Variants in SEC24A observed in about 807,000 individuals in gnomAD.
SEC24A encodes protein transport protein Sec24A.
Under a neutral mutation model 129.4 loss-of-function variants are expected in SEC24A, and 93 were observed. The observed-to-expected ratio is 0.72, with a 90% CI of 0.61 to 0.85. The LOEUF is 0.85. Ranked by LOEUF, SEC24A falls within the 40% of genes least tolerant of loss-of-function variation. SEC24A has a pLI of 0.00. For synonymous variants in SEC24A, 460 were observed against 467.3 expected, an observed-to-expected ratio of 0.98 and a Z score of 0.20; for missense variants, 1,264 against 1,307.4, an observed-to-expected ratio of 0.97 and a Z score of 0.51.
At chr5:134,687,132 T>G (rs1195531104) in intron 10 of SEC24A, among the ~76,000 whole-genome samples, 1 of 152,182 alleles carries the variant, frequency 6.6e-6, no homozygotes, top group Non-Finnish European at 1.5e-5. Context: ...TTCATCATCT[T>G]CAGCATTTTG....
At chr5:134,684,603 C>T (rs1466697476) in intron 9 of SEC24A, among the ~76,000 whole-genome samples, 2 of 151,944 alleles carry the variant, frequency 1.3e-5, no homozygotes, top group Non-Finnish European at 1.5e-5. Context: ...ATCCCAGCTA[C>T]TTGGGAGACT....
chr5:134,689,733 C>T (rs924027668), intron 11 of SEC24A, among the ~76,000 whole-genome samples: 19 of 150,190 alleles, frequency 1.3e-4, no homozygotes, highest in Non-Finnish European at 2.8e-4. Context: ...CACCGCACTC[C>T]AGCCTGGACG....
intron 8 of SEC24A, among the ~76,000 whole-genome samples, chr5:134,681,394 C>T (rs982371668): frequency 1.3e-5 from 2 of 151,754 alleles, no homozygotes; most frequent in Non-Finnish European, 2.9e-5. Context: ...GAGCAAAACT[C>T]CATCTCAAAC....
At chr5:134,693,626 A>G (rs866705894) in intron 12 of SEC24A, 101 bp from the exon 13 acceptor site, 1 of 1,477,736 alleles carries the variant, frequency 6.8e-7, no homozygotes, top group African/African-American at 1.4e-5. Flanking sequence ...TTCTCTGACC[A>G]TCATCATGAC....
At chr5:134,695,610 C>T (rs1202938631) in intron 13 of SEC24A, among the ~76,000 whole-genome samples, 2 of 151,996 alleles carry the variant, frequency 1.3e-5, no homozygotes, top group African/African-American at 4.8e-5. Context: ...CATGGTGAAA[C>T]CCTGTCTCTA....
chr5:134,718,301 TACACTGATTAA>T, intron 20 of SEC24A, 128 bp downstream of exon 20: 4 of 605,604 alleles, frequency 6.6e-6, no homozygotes, highest in Non-Finnish European at 8.9e-6. Context: ...TATACAGTCG[TACACTGATTAA>T]TGATGTGTAA....
Position 134,703,740 on chromosome 5 carries a change from T to C in SEC24A, c.2267-19T>C, listed in dbSNP as rs1457872909. The stretch of plus-strand genomic sequence containing the variant: ...ATGTAGGTATATAAAAATAATTTTG[T>C]TACCTTTTTCTCTTCTAGGTCTTTC... On this transcript the variant is annotated intron_variant, in intron 15 of 22. Coordinates refer to ENST00000398844, the MANE Select transcript of SEC24A (RefSeq NM_021982.3). The C allele has an allele frequency of 1.9e-6, 3 of 1,560,316 alleles. No individual in the cohort carries two copies. In the African/African-American group the frequency reaches 4.1e-5, roughly 21 times the overall value.
upstream of SEC24A, chr5:134,648,744 A>G (rs540674142): frequency 2.6e-5 from 5 of 189,954 alleles, no homozygotes; most frequent in Admixed American, 1.2e-4. Context: ...CGGAAGTGCC[A>G]CGTGTCCTGA....
intron 3 of SEC24A, among the ~76,000 whole-genome samples, chr5:134,671,342 G>A (rs1450424867): frequency 6.6e-6 from 1 of 152,184 alleles, no homozygotes; most frequent in Non-Finnish European, 1.5e-5. Context: ...TTACAGGCGT[G>A]AGCCACCGCA....
chr5:134,724,034 A>T (rs1246638367), intron 22 of SEC24A, among the ~76,000 whole-genome samples: 8 of 152,216 alleles, frequency 5.3e-5, no homozygotes, highest in Non-Finnish European at 1.2e-4. Flanking sequence ...TATTAACCAT[A>T]GTCATCATAC....
At chr5:134,686,008 A>G (rs1358361964) in intron 9 of SEC24A, among the ~76,000 whole-genome samples, 22 of 152,012 alleles carry the variant, frequency 1.4e-4, no homozygotes, top group Admixed American at 1.3e-3. Flanking sequence ...AAAAAAATAC[A>G]GTCTTATGTT....
chr5:134,718,087 G>A lies in SEC24A; in HGVS notation c.2884G>A (p.Asp962Asn). ...TCCTCAGGGAGCACTCAACATCAGT[G>A]ATAGAACCATACCTCAGCCCCCCAT... is the stretch of plus-strand genomic sequence containing the variant. ...LSDEGALNIS[D>N]RTIPQPPILQ... Residue 962 changes from aspartate (D) to asparagine (N), a missense_variant, in exon 20 of 23, where the codon GAT becomes AAT. Asp to Asn is a conservative substitution (Grantham distance 23). Transcript: ENST00000398844. The A allele has an allele frequency of 6.2e-7, 1 of 1,613,970 alleles. No individual in the cohort carries two copies.
Position 134,692,677 on chromosome 5 carries a change from C to G in SEC24A, c.1779+20C>G. 1 of 1,345,524 alleles carries G rather than the reference C, an allele frequency of 7.4e-7. No homozygotes were observed. The highest frequency in any genetic ancestry group is 1.1e-6 in the Non-Finnish European group (1 of 940,692). The allele number at this position is 1,345,524 out of a possible 1,614,324, so 83.3% of individuals were successfully genotyped here. ...AAAGAGGTAAGGCACATTTTCCTAC[C>G]TGACATGTTTAATTGAAATATTGAA... On this transcript the variant is annotated intron_variant, in intron 12 of 22. Transcript: ENST00000398844.
Position 134,679,721 on chromosome 5 carries a change from C to T in SEC24A, c.1374C>T (p.Val458=). Residue 458 remains valine, a synonymous_variant, in exon 8 of 23, where the codon GTC becomes GTT. Transcript: ENST00000398844. Reference sequence around the variant, plus strand: ...GGAAGTGTAACTTATGTTATCGAGTCAATGATGGTATGGGATGCTTTTTTG... The same window carrying T: ...GGAAGTGTAACTTATGTTATCGAGTTAATGATGGTATGGGATGCTTTTTTG... The part of the protein sequence containing the change: ...RRWKCNLCYR[V]NDVPEEFLYN... 1 of 1,579,572 alleles carries T rather than the reference C, an allele frequency of 6.3e-7. No homozygotes were observed. Among genetic ancestry groups the T allele is most frequent in the South Asian group, 1.2e-5 (1 of 85,942 alleles).
intron 1 of SEC24A, among the ~76,000 whole-genome samples, chr5:134,657,227 A>G (rs928652089): frequency 2.0e-5 from 3 of 148,948 alleles, no homozygotes; most frequent in Non-Finnish European, 3.0e-5. Context: ...CAAAACTTAT[A>G]TTTTGTAGAG....
At chr5:134,677,122 G>A (rs1751092346) in intron 7 of SEC24A, among the ~76,000 whole-genome samples, 1 of 152,084 alleles carries the variant, frequency 6.6e-6, no homozygotes, top group Non-Finnish European at 1.5e-5. Flanking sequence ...CTCATGGCCT[G>A]TAATCCCAGC....
rs749958378 is a variant in SEC24A at position 134,703,853 on chromosome 5, A to G, written c.2361A>G (p.Val787=). 2 of 1,612,992 alleles carry G rather than the reference A, an allele frequency of 1.2e-6. No individual in the cohort carries two copies. Among genetic ancestry groups the G allele is most frequent in the Admixed American group, 1.7e-5 (1 of 59,986 alleles). The change falls in exon 16 of 23, where the codon GTA becomes GTG. Residue 787 remains valine (V), a synonymous_variant. Coordinates refer to ENST00000398844, the MANE Select transcript of SEC24A (RefSeq NM_021982.3). ...PNVNPDAGYA[V]QMSVEESLTD... is the part of the protein sequence containing the mutation. ...TCAACCCAGACGCTGGGTATGCAGTACAGATGTCAGTGGAAGAGAGTCTTA... is the reference window on the plus strand; with the variant it reads ...TCAACCCAGACGCTGGGTATGCAGTGCAGATGTCAGTGGAAGAGAGTCTTA...
At chr5:134,653,669 A>G (rs1325644322) in intron 1 of SEC24A, among the ~76,000 whole-genome samples, 2 of 151,246 alleles carry the variant, frequency 1.3e-5, no homozygotes, top group Non-Finnish European at 1.5e-5. Flanking sequence ...ATTCAAGACC[A>G]CCCTCGGCAA....
intron 4 of SEC24A, among the ~76,000 whole-genome samples, chr5:134,673,044 A>AT (rs1209752703): frequency 7.8e-6 from 1 of 128,810 alleles, no homozygotes; most frequent in Non-Finnish European, 1.6e-5. Flanking sequence ...CACACGGCCC[A>AT]TTTAGGATTT....
Sources: gnomAD v4.1 joint callset for allele counts (sites outside exome capture counted in the v4.1 genomes callset) on GRCh38, gnomAD v4.1.1 for gene constraint, MANE v1.5 for transcripts, NCBI Gene and HGNC (gene_info 2026-07-23, HGNC 2026-07-21) for gene names.